Variants in FSTL4 observed in about 807,000 individuals in gnomAD.
FSTL4 encodes follistatin like 4, also known as follistatin-related protein 4.
Under a neutral mutation model 78.2 loss-of-function variants are expected in FSTL4, and 28 were observed. The observed-to-expected ratio is 0.36, with a 90% CI of 0.27 to 0.49. The LOEUF (loss-of-function observed/expected upper bound fraction) is 0.49. Ranked by LOEUF, FSTL4 falls within the 20% of genes least tolerant of loss-of-function variation. FSTL4 has a pLI of 0.98. For synonymous variants in FSTL4, 422 were observed against 440.5 expected, an observed-to-expected ratio of 0.96 and a Z score of 0.53; for missense variants, 922 against 1,084.9, an observed-to-expected ratio of 0.85 and a Z score of 2.11.
chr5:133,466,848 TGAG>T (rs1757718101), intron 3 of FSTL4, among the ~76,000 whole-genome samples: 1 of 152,152 alleles, frequency 6.6e-6, no homozygotes, highest in East Asian at 1.9e-4. Flanking sequence ...GCCTGAGGAA[TGAG>T]GAGCAGTCTA....
intron 6 of FSTL4, among the ~76,000 whole-genome samples, chr5:133,307,451 T>A (rs1178805067): frequency 6.6e-6 from 1 of 152,206 alleles, no homozygotes; most frequent in Non-Finnish European, 1.5e-5. Flanking sequence ...ACCTGCTGAC[T>A]ATGTGATCTT....
At chr5:133,406,715 T>C (rs1399186065) in intron 3 of FSTL4, among the ~76,000 whole-genome samples, 1 of 152,254 alleles carries the variant, frequency 6.6e-6, no homozygotes, top group African/African-American at 2.4e-5. Flanking sequence ...TATTATTTAC[T>C]GAGGCAGGCC....
At chr5:133,598,985 G>A (rs1760799084) in intron 2 of FSTL4, among the ~76,000 whole-genome samples, 1 of 152,286 alleles carries the variant, frequency 6.6e-6, no homozygotes, top group East Asian at 1.9e-4. Context: ...GCCAGGGTGA[G>A]TACAAACACC....
chr5:133,529,018 C>T (rs1266399922), intron 3 of FSTL4, among the ~76,000 whole-genome samples: 1 of 152,158 alleles, frequency 6.6e-6, no homozygotes, highest in Admixed American at 6.5e-5. Context: ...AGCCTCCATG[C>T]TCTTGCTCCG....
the FSTL4 span, among the ~76,000 whole-genome samples, chr5:133,701,468 A>AACACACACACAC: frequency 6.1e-3 from 782 of 129,062 alleles, 6 homozygotes; most frequent in Non-Finnish European, 8.7e-3. Context: ...AAGACACAGA[A>AACACACACACAC]ACACACACAC....
the FSTL4 span, among the ~76,000 whole-genome samples, chr5:133,707,428 T>C: frequency 6.6e-6 from 1 of 152,186 alleles, no homozygotes; most frequent in Non-Finnish European, 1.5e-5. Context: ...AATCATCTTC[T>C]GGGACCTAAA....
chr5:133,488,976 C>T (rs1385752815), intron 3 of FSTL4, among the ~76,000 whole-genome samples: 2 of 152,204 alleles, frequency 1.3e-5, no homozygotes, highest in Non-Finnish European at 2.9e-5. Flanking sequence ...CTTGTCAACC[C>T]CCCATTGGAC....
chr5:133,437,494 T>TTG (rs1260379530), intron 3 of FSTL4, among the ~76,000 whole-genome samples: 10 of 143,528 alleles, frequency 7.0e-5, no homozygotes, highest in African/African-American at 2.4e-4. Flanking sequence ...TGTTTTTTTT[T>TTG]TTTTTTTTTT....
the FSTL4 span, among the ~76,000 whole-genome samples, chr5:133,633,525 G>C: frequency 1.1e-4 from 16 of 151,692 alleles, no homozygotes; most frequent in African/African-American, 3.6e-4. Flanking sequence ...TTGATTTCAA[G>C]TGTGTTTCTA....
At chr5:133,221,914 T>TTGTTTTG (rs1561626868) in intron 11 of FSTL4, among the ~76,000 whole-genome samples, 2 of 117,096 alleles carry the variant, frequency 1.7e-5, no homozygotes, top group African/African-American at 4.6e-5. Context: ...TTTTTTTTTT[T>TTGTTTTG]TTTTTTTTTT....
Position 133,312,679 on chromosome 5 carries a change from G to T in FSTL4, c.702C>A (p.Thr234=), listed in dbSNP as rs1753815771. ...GGAAGGCCATGTAGAACTCGCGGAG[G>T]GTCAGGGAGCTGTCACTGTTGTAAT... The part of the protein sequence containing the change: ...FDDYNSDSSL[T]LREFYMAFQV... Residue 234 remains threonine (T), a synonymous_variant, in exon 6 of 16, where the codon ACC becomes ACA. Coordinates refer to ENST00000265342, the MANE Select transcript of FSTL4 (RefSeq NM_015082.2). 6.2e-7 allele frequency: 1 copy of T among 1,613,818 alleles called. No individual in the cohort carries two copies. Among genetic ancestry groups the T allele is most frequent in the Non-Finnish European group, 8.5e-7 (1 of 1,179,862 alleles).
chr5:133,525,707 A>G (rs1023574168), intron 3 of FSTL4, among the ~76,000 whole-genome samples: 1 of 152,202 alleles, frequency 6.6e-6, no homozygotes, highest in African/African-American at 2.4e-5. Context: ...AGCATCAAGA[A>G]TTCCAGAGTT....
chr5:133,588,194 C>T (rs1216549074), intron 2 of FSTL4, among the ~76,000 whole-genome samples: 13 of 120,386 alleles, frequency 1.1e-4, no homozygotes, highest in African/African-American at 3.0e-4. Flanking sequence ...AGAAGAAAAC[C>T]TAGGCATTAC....
rs373133071 is a variant in FSTL4, at chr5:133,458,134, T to C, written c.161-57148A>G. The stretch of plus-strand genomic sequence containing the variant: ...GCTTTTGCGGCAAAGATATGAAAAA[T>C]GTATTTTAAGATCAAAAGGATGATA... On this transcript the variant is annotated intron_variant, in intron 3 of 15. Transcript: ENST00000265342. 50 of 152,226 alleles carry C rather than the reference T, an allele frequency of 3.3e-4. 1 individual carries two copies. The highest frequency in any genetic ancestry group is 1.0e-3 in the African/African-American group (43 of 41,520). 9.4% of individuals were successfully genotyped at this position (152,226 alleles called of 1,614,324 possible).
chr5:133,251,196 A>T (rs1384387552), intron 6 of FSTL4, among the ~76,000 whole-genome samples: 1 of 152,164 alleles, frequency 6.6e-6, no homozygotes, highest in Non-Finnish European at 1.5e-5. Flanking sequence ...TGGAGAGGGG[A>T]AAGAGAGAGA....
At chr5:133,344,460 C>A (rs927429432) in intron 4 of FSTL4, among the ~76,000 whole-genome samples, 7 of 152,182 alleles carry the variant, frequency 4.6e-5, no homozygotes, top group African/African-American at 1.7e-4. Flanking sequence ...GTGAACCTCA[C>A]GGCAGGGGAG....
chr5:133,558,249 C>T (rs550459890), intron 3 of FSTL4, among the ~76,000 whole-genome samples: 1 of 152,334 alleles, frequency 6.6e-6, no homozygotes, highest in South Asian at 2.1e-4. Flanking sequence ...ATTCACCTTT[C>T]CAGAGGAGTC....
chr5:133,492,084 C>A (rs969306884), intron 3 of FSTL4, among the ~76,000 whole-genome samples: 3 of 152,028 alleles, frequency 2.0e-5, no homozygotes, highest in Non-Finnish European at 2.9e-5. Flanking sequence ...TATTCTATTT[C>A]TTTTCTTTTA....
chr5:133,424,777 G>A (rs963364734), intron 3 of FSTL4, among the ~76,000 whole-genome samples: 4 of 152,180 alleles, frequency 2.6e-5, no homozygotes, highest in Non-Finnish European at 5.9e-5. Context: ...GGAGTCTAAC[G>A]ATCTTGAGAT....
Sources: allele counts gnomAD v4.1 joint callset (sites outside exome capture counted in the v4.1 genomes callset), GRCh38; gene constraint gnomAD v4.1.1; transcripts MANE v1.5; gene names NCBI Gene and HGNC (gene_info 2026-07-23, HGNC 2026-07-21).